Variants in C2CD2 observed in about 807,000 individuals in gnomAD.
C2CD2 encodes C2 calcium dependent domain containing 2, also known as C2 domain-containing protein 2.
A neutral mutation model predicts 74.3 loss-of-function variants in C2CD2; 43 were observed. The ratio of observed to expected loss-of-function variants is 0.58; its 90% CI spans 0.45 to 0.75. The LOEUF is 0.75. C2CD2 is among the 30% of genes least tolerant of loss of function. C2CD2 has a pLI of 0.00. For missense variants in C2CD2, 801 were observed against 916.3 expected (o/e 0.87, Z 1.63); for synonymous variants, 422 against 390.7 (o/e 1.08, Z -0.94).
intron 13 of C2CD2, among the ~76,000 whole-genome samples, chr21:41,897,194 CA>C (rs922924539): frequency 2.0e-5 from 3 of 152,158 alleles, no homozygotes; most frequent in African/African-American, 4.8e-5. Context: ...GGAAACCAGA[CA>C]GGGGGAAGGA....
chr21:41,928,640 C>T (rs1052085648), intron 2 of C2CD2, among the ~76,000 whole-genome samples: 3 of 151,654 alleles, frequency 2.0e-5, no homozygotes, highest in Non-Finnish European at 2.9e-5. Context: ...ATCATGGTGC[C>T]CATACCAAAC....
chr21:41,932,971 G>C (rs1429041458), intron 2 of C2CD2, among the ~76,000 whole-genome samples: 1 of 150,348 alleles, frequency 6.7e-6, no homozygotes, highest in Non-Finnish European at 1.5e-5. Context: ...ACCAGTCAGG[G>C]GTTTGTCGGC....
At chr21:41,935,415 C>T (rs2065298751) in intron 2 of C2CD2, among the ~76,000 whole-genome samples, 2 of 152,256 alleles carry the variant, frequency 1.3e-5, no homozygotes, top group South Asian at 2.1e-4. Context: ...CATCAATGAA[C>T]TCGTATTGAT....
intron 2 of C2CD2, among the ~76,000 whole-genome samples, chr21:41,937,445 T>C (rs1041902769): frequency 2.0e-5 from 3 of 152,222 alleles, no homozygotes; most frequent in African/African-American, 7.2e-5. Context: ...ATTGTAAGAA[T>C]AGAGTATATA....
At chr21:41,890,363 C>T (rs2839404) in intron 13 of C2CD2, among the ~76,000 whole-genome samples, 48,998 of 151,932 alleles carry the variant, frequency 0.32, 9,143 homozygotes, top group Non-Finnish European at 0.42. Context: ...TAGTAGAATA[C>T]GGAATAGAAA....
intron 12 of C2CD2, among the ~76,000 whole-genome samples, chr21:41,900,427 G>A (rs1488130133): frequency 2.6e-5 from 4 of 152,130 alleles, no homozygotes; most frequent in African/African-American, 4.8e-5. Flanking sequence ...AGATGACCAC[G>A]AGTCTTGTCC....
intron 1 of C2CD2, among the ~76,000 whole-genome samples, chr21:41,948,484 G>A (rs1205734660): frequency 1.3e-5 from 2 of 152,170 alleles, no homozygotes; most frequent in Non-Finnish European, 2.9e-5. Flanking sequence ...AAATAAGCAG[G>A]AAAAAAGATA....
rs1411402265 is a variant in C2CD2 at position 41,923,929 on chromosome 21, T to C, written c.379-1844A>G. On this transcript the variant is annotated intron_variant, in intron 2 of 13. Transcript: ENST00000380486. The surrounding 1 kb of genome is among the most constrained non-coding windows in gnomAD (Gnocchi z 5.8). Reference sequence around the variant, plus strand: ...AGGAGAGGGGAGGCCAGGGGCACAGTGGGCTGGACCACAGGGCAGGCACAA... The same window carrying C: ...AGGAGAGGGGAGGCCAGGGGCACAGCGGGCTGGACCACAGGGCAGGCACAA... 6.6e-6 allele frequency among the ~76,000 whole-genome samples: 1 copy of C among 151,952 alleles called. No individual in the cohort carries two copies. Among genetic ancestry groups the C allele is most frequent in the Non-Finnish European group, 1.5e-5 (1 of 67,966 alleles).
Position 41,945,287 on chromosome 21 carries a change from G to A in C2CD2, c.280-3042C>T, listed in dbSNP as rs1025805093. Among the ~76,000 whole-genome samples the A allele has an allele frequency of 4.6e-5, 7 of 152,172 alleles. No homozygotes were observed. Among genetic ancestry groups the A allele is most frequent in the African/African-American group, 7.2e-5 (3 of 41,512 alleles). On this transcript the variant is annotated intron_variant, in intron 1 of 13. Coordinates refer to ENST00000380486, the MANE Select transcript of C2CD2 (RefSeq NM_015500.2). The surrounding 1 kb of genome is among the most constrained non-coding windows in gnomAD (Gnocchi z 4.2). ...GAAATACACAGAAATATAGACATGC[G>A]CACACACGTTGGTATACACACGTAT...
Position 41,912,360 on chromosome 21 carries a change from C to G in C2CD2, c.925G>C (p.Asp309His). The change falls in exon 7 of 14, where the codon GAC (aspartate) becomes CAC (histidine). Residue 309 changes from aspartate to histidine, a missense_variant. Coordinates refer to ENST00000380486, the MANE Select transcript of C2CD2 (RefSeq NM_015500.2). The part of the protein sequence containing the change: ...FSSTLTKNTP[D>H]LMWEEEFTFE... ...GTGAATTCCTCTTCCCACATGAGGTCCGGAGTGTTTTTCGTCAGGGTGCTG... is the reference window on the plus strand; with the variant it reads ...GTGAATTCCTCTTCCCACATGAGGTGCGGAGTGTTTTTCGTCAGGGTGCTG... The G allele has an allele frequency of 6.2e-7, 1 of 1,612,042 alleles. No individual in the cohort carries two copies. The highest frequency in any genetic ancestry group is 8.5e-7 in the Non-Finnish European group (1 of 1,179,418).
At position 41,889,289 on chromosome 21, in the gene C2CD2, T is replaced by C. The variant is rs1227691242; in HGVS notation, c.1926A>G (p.Lys642=). 1.2e-6 allele frequency: 2 copies of C among 1,614,138 alleles called. No individual in the cohort carries two copies. The highest frequency in any genetic ancestry group is 1.1e-5 in the South Asian group (1 of 91,070). ...TGTGTGACTGACTCATGCCTGGGTC[T>C]TTCTGTTGATGCCGCCGGCGGAAGA... ...KLFFRRRHQQ[K]DPGMSQSHND... Residue 642 remains lysine, a synonymous_variant, in exon 14 of 14, where the codon AAA becomes AAG. Transcript: ENST00000380486.
intron 1 of C2CD2, among the ~76,000 whole-genome samples, chr21:41,948,264 C>G (rs2065418515): frequency 6.6e-6 from 1 of 152,208 alleles, no homozygotes; most frequent in African/African-American, 2.4e-5. Context: ...CCCACTGAGA[C>G]CAGGGCCTGC....
intron 1 of C2CD2, among the ~76,000 whole-genome samples, chr21:41,947,817 A>T (rs2065414297): frequency 6.6e-6 from 1 of 152,162 alleles, no homozygotes. Flanking sequence ...AGGATCGCAC[A>T]GCTAGGAGGG....
intron 1 of C2CD2, among the ~76,000 whole-genome samples, chr21:41,948,897 T>TTTTTTTTTTTTTTA (rs2065426909): frequency 7.0e-6 from 1 of 142,666 alleles, no homozygotes; most frequent in Non-Finnish European, 1.5e-5. Context: ...TTTTTTCTTT[T>TTTTTTTTTTTTTTA]TTTTTACAAA....
intron 7 of C2CD2, among the ~76,000 whole-genome samples, 195 bp from the exon 8 acceptor site, chr21:41,909,718 G>A (rs1237533121): frequency 6.6e-6 from 1 of 152,054 alleles, no homozygotes. Flanking sequence ...GTTAATATTC[G>A]GTGACTAGCC....
At chr21:41,930,289 G>C (rs1180645414) in intron 2 of C2CD2, among the ~76,000 whole-genome samples, 1 of 150,090 alleles carries the variant, frequency 6.7e-6, no homozygotes, top group East Asian at 1.9e-4. Flanking sequence ...GGAGGTAAGA[G>C]GCTATAATTG....
intron 1 of C2CD2, among the ~76,000 whole-genome samples, chr21:41,950,593 C>T (rs1372064988): frequency 1.3e-5 from 2 of 152,192 alleles, no homozygotes; most frequent in Non-Finnish European, 2.9e-5. Flanking sequence ...GAGCTCTTCT[C>T]GCTGGCTCTC....
chr21:41,908,248 T>C (rs1321012305), intron 8 of C2CD2: 1 of 182,692 alleles, frequency 5.5e-6, no homozygotes, highest in Non-Finnish European at 1.1e-5. Flanking sequence ...TCAAGTTGTG[T>C]GTGTGTGTGT....
intron 3 of C2CD2, 129 bp from the exon 4 acceptor site, chr21:41,919,089 T>C: frequency 1.4e-6 from 1 of 697,126 alleles, no homozygotes; most frequent in Non-Finnish European, 2.5e-6. Context: ...TATGTGAGCA[T>C]ATATGAGTGC....
Sources: gnomAD v4.1 joint callset for allele counts (sites outside exome capture counted in the v4.1 genomes callset) on GRCh38, gnomAD v4.1.1 for gene constraint, Gnocchi (gnomAD v3.1) non-coding constraint, MANE v1.5 for transcripts, NCBI Gene and HGNC (gene_info 2026-07-23, HGNC 2026-07-21) for gene names.